Variants in ARID2 observed in about 807,000 individuals in gnomAD.
ARID2 encodes the protein AT-rich interaction domain 2, also known as AT-rich interactive domain-containing protein 2.
A neutral mutation model predicts 184.6 loss-of-function variants in ARID2; 32 were observed. That is an observed-to-expected ratio of 0.17 (90% CI 0.13 to 0.23). The LOEUF is 0.23. Ranked by LOEUF, ARID2 falls within the 10% of genes least tolerant of loss-of-function variation. The probability of loss-of-function intolerance (pLI) is 1.00; values close to 1 mark genes in which losing one functional copy is unlikely to be tolerated. For synonymous variants in ARID2, 836 were observed against 772.6 expected (o/e 1.08, Z -1.36); for missense variants, 1,696 against 2,197.6 (o/e 0.77, Z 4.56).
At chr12:45,896,506 T>TA (rs1944369398) in intron 20 of ARID2, among the ~76,000 whole-genome samples, 1 of 152,152 alleles carries the variant, frequency 6.6e-6, no homozygotes, top group African/African-American at 2.4e-5. Context: ...CCGATGGTTT[T>TA]AAAAAAGGGA....
chr12:45,785,956 GA>G (rs1398940945), intron 3 of ARID2, among the ~76,000 whole-genome samples: 1 of 152,180 alleles, frequency 6.6e-6, no homozygotes, highest in African/African-American at 2.4e-5. Flanking sequence ...TGTCTTCCAT[GA>G]AACCATTCCC....
intron 16 of ARID2, among the ~76,000 whole-genome samples, chr12:45,889,190 AT>A (rs1944249255): frequency 6.6e-6 from 1 of 152,206 alleles, no homozygotes; most frequent in African/African-American, 2.4e-5. Context: ...TCAAATAATA[AT>A]AATAATTTGT....
intron 6 of ARID2, among the ~76,000 whole-genome samples, chr12:45,829,641 A>G (rs1943071093): frequency 6.6e-6 from 1 of 150,804 alleles, no homozygotes; most frequent in African/African-American, 2.4e-5. Flanking sequence ...TTTTTATTGT[A>G]TTATTGTCAT....
At chr12:45,739,782 T>C (rs1340854052) in intron 3 of ARID2, among the ~76,000 whole-genome samples, 1 of 152,200 alleles carries the variant, frequency 6.6e-6, no homozygotes, top group Non-Finnish European at 1.5e-5. Flanking sequence ...AATAAAATGT[T>C]AATATAAACA....
At chr12:45,843,410 C>G (rs1235697346) in intron 11 of ARID2, among the ~76,000 whole-genome samples, 1 of 150,000 alleles carries the variant, frequency 6.7e-6, no homozygotes, top group Admixed American at 6.6e-5. Context: ...GCGTCTCACT[C>G]TTGCCCAGGC....
chr12:45,776,958 G>GT (rs1327791722), intron 3 of ARID2, among the ~76,000 whole-genome samples: 287 of 146,112 alleles, frequency 2.0e-3, no homozygotes, highest in East Asian at 2.4e-3. Context: ...AATTTATGTG[G>GT]TTTTTTTTTT....
At chr12:45,743,940 T>C (rs934869509) in intron 3 of ARID2, among the ~76,000 whole-genome samples, 2 of 152,198 alleles carry the variant, frequency 1.3e-5, no homozygotes, top group Non-Finnish European at 2.9e-5. Context: ...TGTTGAACTT[T>C]TATATTTTCT....
rs1162302802 is a variant in ARID2 at position 45,828,015 on chromosome 12, A to G, written c.705+6528A>G. 2.6e-5 allele frequency among the ~76,000 whole-genome samples: 4 copies of G among 152,096 alleles called. 1 individual carries two copies. Among genetic ancestry groups the G allele is most frequent in the Admixed American group, 2.6e-4 (4 of 15,254 alleles). ...TTATCTTTTTTGGACTCCTATAAGT[A>G]CTTTTTAAATTATAACACATACTTA... On this transcript the variant is annotated intron_variant, in intron 6 of 20. Coordinates refer to ENST00000334344, the MANE Select transcript of ARID2 (RefSeq NM_152641.4).
chr12:45,859,446 T>A (rs558179702), intron 15 of ARID2, among the ~76,000 whole-genome samples: 12 of 152,338 alleles, frequency 7.9e-5, no homozygotes, highest in African/African-American at 2.9e-4. Context: ...CATATTCCTG[T>A]CATTAAGTGA....
At chr12:45,893,898 T>C (rs146455393) in intron 20 of ARID2, 177 bp downstream of exon 20, 2 of 477,928 alleles carry the variant, frequency 4.2e-6, no homozygotes, top group African/African-American at 4.0e-5. Context: ...CAAAAATAAA[T>C]AGAAGTTAAA....
intron 6 of ARID2, 132 bp from the exon 7 acceptor site, chr12:45,836,457 C>G: frequency 1.3e-6 from 1 of 758,258 alleles, no homozygotes; most frequent in Non-Finnish European, 2.0e-6. Flanking sequence ...TGCAAGTAAT[C>G]CTCCCATCTT....
intron 3 of ARID2, among the ~76,000 whole-genome samples, chr12:45,741,989 G>A (rs541268633): frequency 7.9e-5 from 12 of 152,120 alleles, no homozygotes; most frequent in South Asian, 2.1e-4. Context: ...CTTCCATTCC[G>A]TGTATCTCCC....
chr12:45,738,779 C>CTTTTTTTTTTTT lies in ARID2; in HGVS notation c.284+7488_284+7499dup, dbSNP rs11333868. ...TTTTCTTCCTGGGGCATATGGGCTA[C>CTTTTTTTTTTTT]TTTTTTTTTTTTTTTTTTTTTTTTT... is the stretch of plus-strand genomic sequence containing the variant. On this transcript the variant is annotated intron_variant, in intron 3 of 20. Transcript: ENST00000334344. Among the ~76,000 whole-genome samples, 22 of 62,286 alleles carry CTTTTTTTTTTTT rather than the reference C, an allele frequency of 3.5e-4. 2 individuals are homozygous for CTTTTTTTTTTTT. The highest frequency in any genetic ancestry group is 8.0e-4 in the South Asian group (1 of 1,256). 40.9% of individuals were successfully genotyped at this position (62,286 alleles called of 152,430 possible).
chr12:45,848,435 TCCC>T (rs1441457766), intron 12 of ARID2, among the ~76,000 whole-genome samples: 1 of 151,998 alleles, frequency 6.6e-6, no homozygotes, highest in African/African-American at 2.4e-5. Context: ...TAGTTCAGTT[TCCC>T]CCCATTTTCT....
chr12:45,861,580 C>CTTTTTTTTTTTTTTTTTTTTTTTTTTT (rs11303020), intron 16 of ARID2, among the ~76,000 whole-genome samples: 1 of 97,006 alleles, frequency 1.0e-5, no homozygotes. Context: ...AGGCATTTGT[C>CTTTTTTTTTTTTTTTTTTTTTTTTTTT]TTTTTTTTTT....
At chr12:45,884,775 TACTAGG>T (rs1382468807) in intron 16 of ARID2, among the ~76,000 whole-genome samples, 4 of 152,138 alleles carry the variant, frequency 2.6e-5, no homozygotes, top group Non-Finnish European at 5.9e-5. Context: ...ATTTCAGTCT[TACTAGG>T]AGGCAGGGCC....
chr12:45,743,337 C>G (rs540227526), intron 3 of ARID2, among the ~76,000 whole-genome samples: 247 of 152,206 alleles, frequency 1.6e-3, no homozygotes, highest in African/African-American at 5.2e-3. Context: ...CCACTGCCCT[C>G]TAGCCTGGGT....
chr12:45,846,775 G>A (rs558095437), intron 11 of ARID2, 81 bp from the exon 12 acceptor site: 26 of 1,314,560 alleles, frequency 2.0e-5, no homozygotes, highest in Non-Finnish European at 2.7e-5. Context: ...GTGTTAATGG[G>A]TTCAATATCC....
chr12:45,770,084 C>T (rs1941840239), intron 3 of ARID2, among the ~76,000 whole-genome samples: 1 of 152,078 alleles, frequency 6.6e-6, no homozygotes, highest in African/African-American at 2.4e-5. Context: ...GAAACCCCAT[C>T]TCTACTAAAA....
Sources: allele counts gnomAD v4.1 joint callset (sites outside exome capture counted in the v4.1 genomes callset), GRCh38; gene constraint gnomAD v4.1.1; transcripts MANE v1.5; gene names NCBI Gene and HGNC (gene_info 2026-07-23, HGNC 2026-07-21).